PRR27: variants seen among roughly 807,000 people sequenced by gnomAD.
The protein encoded by PRR27 is proline-rich protein 27.
PRR27 carries 12 observed loss-of-function variants against 16.8 expected under a neutral mutation model. The observed-to-expected ratio is 0.71, with a 90% CI of 0.46 to 1.16. The LOEUF is 1.16. Among genes scored for constraint, PRR27 ranks in the 50% most tolerant of loss-of-function variants. The pLI, the probability that PRR27 is intolerant of heterozygous loss-of-function variation, is 0.00. For missense variants in PRR27, 277 were observed against 273.3 expected (o/e 1.01, Z -0.10); for synonymous variants, 100 against 98.4 (o/e 1.02, Z -0.10).
intron 3 of PRR27, among the ~76,000 whole-genome samples, chr4:70,160,443 C>CTCTCTCTCTCTCTGTG (rs1298386504): frequency 1.6e-4 from 11 of 68,702 alleles, no homozygotes; most frequent in Middle Eastern, 0.014. Context: ...CTCTCTCTCT[C>CTCTCTCTCTCTCTGTG]TGTGTGTGTG....
chr4:70,165,326 A>G lies in PRR27; in HGVS notation c.*2665A>G, dbSNP rs1484632156. 1.3e-5 allele frequency: 2 copies of G among 152,124 alleles called. No homozygotes were observed. The highest frequency in any genetic ancestry group is 2.9e-5 in the Non-Finnish European group (2 of 67,962). 9.4% of individuals were successfully genotyped at this position (152,124 alleles called of 1,614,324 possible). On this transcript the variant is annotated 3_prime_UTR_variant, in exon 5 of 5. Coordinates refer to ENST00000344526, the MANE Select transcript of PRR27 (RefSeq NM_214711.4). ...GTCTATGACACATTCAAAATACTACATACAAGTTTGTATTATCATAAATAA... is the reference window on the plus strand; with the variant it reads ...GTCTATGACACATTCAAAATACTACGTACAAGTTTGTATTATCATAAATAA...
At position 70,160,796 on chromosome 4, in the gene PRR27, C is replaced by G. The variant is rs146791827; in HGVS notation, c.649-790C>G. ...AGTCCCTAAATTTTAGTAGATATGA[C>G]CCAAGGAATTAGGCTATTTTACCAA... On this transcript the variant is annotated intron_variant, in intron 3 of 4. Transcript: ENST00000344526. Among the ~76,000 whole-genome samples the G allele has an allele frequency of 3.7e-3, 561 of 151,566 alleles. 3 individuals carry two copies. The highest frequency in any genetic ancestry group is 0.013 in the African/African-American group (522 of 41,296).
rs1728546005 is a variant in PRR27 at position 70,158,477 on chromosome 4, T to A, written c.225T>A (p.Tyr75Ter). Residue 75 changes from tyrosine (Y) to a stop codon, truncating the protein, a stop_gained, in exon 3 of 5, where the codon TAT becomes TAA. Coordinates refer to ENST00000344526, the MANE Select transcript of PRR27 (RefSeq NM_214711.4). LOFTEE classifies it high-confidence loss of function. ...ACACTGACACAGGGTTACCTTCGTATCCCTGGATTCTAACTTCTCCTGGAT... is the reference window on the plus strand; with the variant it reads ...ACACTGACACAGGGTTACCTTCGTAACCCTGGATTCTAACTTCTCCTGGAT... ...NTYTDTGLPS[Y>*]PWILTSPGFP... 6.2e-7 allele frequency: 1 copy of A among 1,614,092 alleles called. No individual in the cohort carries two copies. The highest frequency in any genetic ancestry group is 1.1e-5 in the South Asian group (1 of 91,088).
intron 2 of PRR27, 122 bp from the exon 3 acceptor site, chr4:70,158,206 A>G: frequency 1.4e-6 from 1 of 690,800 alleles, no homozygotes; most frequent in East Asian, 2.6e-5. Context: ...GACTTAAGAA[A>G]GATAAGACAT....
intron 3 of PRR27, among the ~76,000 whole-genome samples, chr4:70,160,666 A>G (rs981297448): frequency 3.9e-5 from 6 of 152,044 alleles, no homozygotes; most frequent in African/African-American, 1.4e-4. Context: ...CAAGAGAGTA[A>G]ATGCAGTTTC....
rs1171553517 is a variant in PRR27, at chr4:70,154,266, C to T, written c.-110C>T. The T allele has an allele frequency of 4.5e-6, 4 of 891,308 alleles. No homozygotes were observed. The highest frequency in any genetic ancestry group is 7.0e-6 in the Non-Finnish European group (4 of 568,562). 55.2% of individuals were successfully genotyped at this position (891,308 alleles called of 1,614,324 possible). A position where few individuals can be genotyped will look rare whatever the true frequency, so the allele number is the denominator to read the frequency against. ...GTCTTCCTAGACAGACTAAAAAAGC[C>T]ATGTATTCTTTCGTTTCTCTCTAAA... On this transcript the variant is annotated 5_prime_UTR_variant, in exon 1 of 5. Coordinates refer to ENST00000344526, the MANE Select transcript of PRR27 (RefSeq NM_214711.4).
chr4:70,154,927 G>C (rs1412236592), intron 1 of PRR27: 1 of 382,996 alleles, frequency 2.6e-6, no homozygotes, highest in African/African-American at 2.1e-5. Context: ...TCTAATGTAA[G>C]ACAAATCTGA....
rs539012203 is a variant in PRR27 at position 70,158,581 on chromosome 4, C to T, written c.329C>T (p.Pro110Leu). The T allele has an allele frequency of 2.3e-4, 375 of 1,614,114 alleles. 3 individuals are homozygous for T. The South Asian group carries it at 3.9e-3, about 17-fold the overall frequency. Reference sequence around the variant, plus strand: ...CCTCCTCTCCCTCCTAGGGGTTTCCCGTTTGTCCCTCCTTCAAGGTTTTTT... The same window carrying T: ...CCTCCTCTCCCTCCTAGGGGTTTCCTGTTTGTCCCTCCTTCAAGGTTTTTT... ...NVPPLPPRGF[P>L]FVPPSRFFSA... The change falls in exon 3 of 5, where the codon CCG becomes CTG. Residue 110 changes from proline to leucine, a missense_variant. By Grantham distance (98) the Pro-to-Leu change is moderately conservative. Transcript: ENST00000344526.
In PRR27 at chr4:70,160,439, C is replaced by CTGTGTG. The variant is rs1408228186; in HGVS notation, c.649-1146_649-1145insGTGTGT. Among the ~76,000 whole-genome samples, 317 of 87,342 alleles carry CTGTGTG rather than the reference C, an allele frequency of 3.6e-3. 2 individuals carry two copies. Among genetic ancestry groups the CTGTGTG allele is most frequent in the South Asian group, 4.4e-3 (9 of 2,044 alleles). The allele number at this position is 87,342 out of a possible 152,430, so 57.3% of individuals were successfully genotyped here. A position where few individuals can be genotyped will look rare whatever the true frequency, so the allele number is the denominator to read the frequency against. ...TCTCTCTCTCTCTCTCTCTCTCTCT[C>CTGTGTG]TCTCTGTGTGTGTGTGTGTGTGTGT... On this transcript the variant is annotated intron_variant, in intron 3 of 4. Coordinates refer to ENST00000344526, the MANE Select transcript of PRR27 (RefSeq NM_214711.4).
At chr4:70,156,228 A>G in intron 2 of PRR27, 151 bp downstream of exon 2, 1 of 451,356 alleles carries the variant, frequency 2.2e-6, no homozygotes, top group Non-Finnish European at 3.9e-6. Flanking sequence ...CCGATTTGAT[A>G]GAAAATATTT....
At chr4:70,161,765 A>G (rs1040317296) in intron 4 of PRR27, 135 bp downstream of exon 4, 1 of 442,476 alleles carries the variant, frequency 2.3e-6, no homozygotes, top group Non-Finnish European at 4.1e-6. Flanking sequence ...AAGCACTGGT[A>G]GTTTGTGCCT....
chr4:70,156,215 C>T (rs1728472595), intron 2 of PRR27, 138 bp downstream of exon 2: 4 of 449,906 alleles, frequency 8.9e-6, no homozygotes, highest in Non-Finnish European at 1.6e-5. Context: ...CTATTAAACT[C>T]TTCCGATTTG....
rs1453049667 is a variant in PRR27, at chr4:70,161,390, G to A, written c.649-196G>A. On this transcript the variant is annotated intron_variant, in intron 3 of 4. Transcript: ENST00000344526. ...AATTTATTAGGGACCTTCACTGAGA[G>A]GAGTGATTCAACCAGTTCTCTGTTT... is the stretch of plus-strand genomic sequence containing the variant. Among the ~76,000 whole-genome samples the A allele has an allele frequency of 2.0e-5, 3 of 151,332 alleles. No homozygotes were observed. The East Asian group carries it at 5.8e-4, about 29-fold the overall frequency.
chr4:70,155,945 T>A, intron 1 of PRR27, 109 bp from the exon 2 acceptor site: 4 of 660,062 alleles, frequency 6.1e-6, no homozygotes, highest in Admixed American at 3.3e-5. Context: ...TTCAAAAAAA[T>A]TAACCATAAG....
At chr4:70,160,443 C>CTCTCTCTCTCTCTCTGTGTGTG (rs1298386504) in intron 3 of PRR27, among the ~76,000 whole-genome samples, 15 of 68,704 alleles carry the variant, frequency 2.2e-4, no homozygotes, top group South Asian at 1.7e-3. Flanking sequence ...CTCTCTCTCT[C>CTCTCTCTCTCTCTCTGTGTGTG]TGTGTGTGTG....
intron 4 of PRR27, among the ~76,000 whole-genome samples, chr4:70,161,925 C>A (rs1011544442): frequency 1.3e-5 from 2 of 152,072 alleles, no homozygotes; most frequent in Non-Finnish European, 2.9e-5. Context: ...AAACCTTTAA[C>A]GTGGGAAAAG....
Position 70,164,782 on chromosome 4 carries a change from T to C in PRR27, c.*2121T>C, listed in dbSNP as rs990149999. The C allele has an allele frequency of 2.0e-5, 3 of 152,126 alleles. No individual in the cohort carries two copies. The highest frequency in any genetic ancestry group is 7.2e-5 in the African/African-American group (3 of 41,434). 9.4% of individuals were successfully genotyped at this position (152,126 alleles called of 1,614,324 possible). ...ATAGAAATATCAAGAGGCTACAAAG[T>C]CTTAGCAAATTATAATTGCTAATGG... is the stretch of plus-strand genomic sequence containing the variant. On this transcript the variant is annotated 3_prime_UTR_variant, in exon 5 of 5. Coordinates refer to ENST00000344526, the MANE Select transcript of PRR27 (RefSeq NM_214711.4).
intron 2 of PRR27, among the ~76,000 whole-genome samples, chr4:70,157,395 G>A (rs1728509294): frequency 6.6e-6 from 1 of 150,910 alleles, no homozygotes; most frequent in Non-Finnish European, 1.5e-5. Context: ...CAAAGACCCT[G>A]AGGGACAATC....
At chr4:70,158,281 A>G (rs1157060596) in intron 2 of PRR27, 47 bp from the exon 3 acceptor site, 15 of 1,104,336 alleles carry the variant, frequency 1.4e-5, no homozygotes, top group Non-Finnish European at 1.8e-5. Context: ...AGTAATATAT[A>G]GACAGGACAA....
Sources: allele counts gnomAD v4.1 joint callset (sites outside exome capture counted in the v4.1 genomes callset), GRCh38; gene constraint gnomAD v4.1.1; transcripts MANE v1.5; gene names NCBI Gene and HGNC (gene_info 2026-07-23, HGNC 2026-07-21).